ADPGK: variants seen among roughly 807,000 people sequenced by gnomAD.
The protein encoded by ADPGK is ADP-dependent glucokinase.
Under a neutral mutation model 42.4 loss-of-function variants are expected in ADPGK, and 26 were observed. The observed-to-expected ratio is 0.61, with a 90% CI of 0.45 to 0.85. ADPGK has a LOEUF of 0.85. Among genes scored for constraint, ADPGK ranks in the 40% least tolerant of loss-of-function variants. The probability of loss-of-function intolerance (pLI) is 0.00; values close to 1 mark genes in which losing one functional copy is unlikely to be tolerated. For synonymous variants in ADPGK, 267 were observed against 252.6 expected, an observed-to-expected ratio of 1.06 and a Z score of -0.54; for missense variants, 571 against 627.0, an observed-to-expected ratio of 0.91 and a Z score of 0.95.
intron 1 of ADPGK, among the ~76,000 whole-genome samples, chr15:72,778,240 C>A (rs1047350928): frequency 6.6e-6 from 1 of 152,072 alleles, no homozygotes; most frequent in African/African-American, 2.4e-5. Context: ...GAGAGCAAGA[C>A]CCTGTCTCAA....
At chr15:72,763,087 C>T (rs1346411958) in intron 3 of ADPGK, among the ~76,000 whole-genome samples, 1 of 152,162 alleles carries the variant, frequency 6.6e-6, no homozygotes, top group Non-Finnish European at 1.5e-5. Flanking sequence ...CCAGCAGACT[C>T]GCACCACAAG....
intron 2 of ADPGK, 100 bp from the exon 3 acceptor site, chr15:72,771,945 C>A: frequency 1.0e-6 from 1 of 963,490 alleles, no homozygotes; most frequent in Non-Finnish European, 1.4e-6. Flanking sequence ...AGTCCATTTC[C>A]CAAAAACATT....
intron 2 of ADPGK, among the ~76,000 whole-genome samples, chr15:72,774,032 A>C (rs2066359592): frequency 6.6e-6 from 1 of 152,120 alleles, no homozygotes; most frequent in Non-Finnish European, 1.5e-5. Flanking sequence ...TTGTAGAGAC[A>C]GGGTTTCACC....
chr15:72,764,930 G>T (rs546796897), intron 3 of ADPGK, among the ~76,000 whole-genome samples: 26 of 150,378 alleles, frequency 1.7e-4, no homozygotes, highest in Admixed American at 4.6e-4. Context: ...AACAAAGCCT[G>T]AATGACAGCA....
chr15:72,782,151 G>C (rs1162872715), intron 1 of ADPGK, among the ~76,000 whole-genome samples: 1 of 152,154 alleles, frequency 6.6e-6, no homozygotes, highest in Non-Finnish European at 1.5e-5. Flanking sequence ...CAGGGGCCTT[G>C]CTTCACCCAT....
At chr15:72,755,233 T>C (rs1353974910) in intron 6 of ADPGK, among the ~76,000 whole-genome samples, 1 of 152,246 alleles carries the variant, frequency 6.6e-6, no homozygotes, top group Non-Finnish European at 1.5e-5. Context: ...TTCTTTGCTT[T>C]GAGCTTCTTG....
At chr15:72,755,278 G>GT (rs2066096751) in intron 6 of ADPGK, among the ~76,000 whole-genome samples, 2 of 152,198 alleles carry the variant, frequency 1.3e-5, no homozygotes, top group South Asian at 2.1e-4. Flanking sequence ...TGGGCTTTCA[G>GT]TTTTTTCCAT....
chr15:72,778,077 C>T (rs571186121), intron 1 of ADPGK, among the ~76,000 whole-genome samples: 9 of 152,002 alleles, frequency 5.9e-5, no homozygotes, highest in Non-Finnish European at 1.0e-4. Context: ...AGCAAGACCC[C>T]GTCTCTACAA....
intron 4 of ADPGK, among the ~76,000 whole-genome samples, chr15:72,759,378 T>C (rs540359296): frequency 1.3e-5 from 2 of 152,366 alleles, no homozygotes; most frequent in East Asian, 3.9e-4. Flanking sequence ...CAAAAACTTG[T>C]GTAGCATTAA....
intron 1 of ADPGK, among the ~76,000 whole-genome samples, chr15:72,782,527 C>CAAAAAAAA (rs5813692): frequency 2.8e-4 from 17 of 61,270 alleles, no homozygotes; most frequent in African/African-American, 1.0e-3. Context: ...ACCCTGTGTC[C>CAAAAAAAA]AAAAAAAAAA....
chr15:72,777,592 C>T (rs1199245653), intron 1 of ADPGK, among the ~76,000 whole-genome samples: 4 of 151,810 alleles, frequency 2.6e-5, no homozygotes, highest in African/African-American at 7.3e-5. Context: ...GCAGGAGAAT[C>T]GCTTGAACCC....
In ADPGK at chr15:72,756,342, A is replaced by G. The variant is rs754079334; in HGVS notation, c.749T>C (p.Leu250Pro). 1 of 1,614,220 alleles carries G rather than the reference A, an allele frequency of 6.2e-7. No individual in the cohort carries two copies. Among genetic ancestry groups the G allele is most frequent in the South Asian group, 1.1e-5 (1 of 91,088 alleles). Residue 250 changes from leucine to proline, a missense_variant, in exon 5 of 7, where the codon CTG (leucine) becomes CCG (proline). Physicochemically the swap from Leu to Pro is moderately conservative, Grantham distance 98. Coordinates refer to ENST00000456471, the MANE Select transcript of ADPGK (RefSeq NM_001365225.1). ...CACCAGGTCTGGCTGAAACTCCTCC[A>G]GGCTAGACACAAACACCTCCAGCAT... The part of the protein sequence containing the change: ...MNMLEVFVSS[L>P]EEFQPDLVVL...
rs550908924 is a variant in ADPGK, at chr15:72,758,870, T to C, written c.643+1537A>G. On this transcript the variant is annotated intron_variant, in intron 4 of 6. Transcript: ENST00000456471. ...ACGAATCTGGAACTCATGGCAGCAA[T>C]ACCTCAGGGGCTCATCTTTAGCAAT... 9.2e-5 allele frequency among the ~76,000 whole-genome samples: 14 copies of C among 152,312 alleles called. 1 individual carries two copies. The East Asian group carries it at 2.7e-3, about 29-fold the overall frequency.
At chr15:72,757,664 C>T (rs2066134680) in intron 4 of ADPGK, 2 of 169,006 alleles carry the variant, frequency 1.2e-5, no homozygotes, top group Admixed American at 1.2e-4. Flanking sequence ...AGAGAACAGA[C>T]TGATGACCTA....
intron 3 of ADPGK, among the ~76,000 whole-genome samples, chr15:72,768,975 C>CAG (rs1555404209): frequency 7.3e-6 from 1 of 137,924 alleles, no homozygotes; most frequent in Non-Finnish European, 1.5e-5. Context: ...TCCTGTCTCT[C>CAG]AAAAAAAAAA....
Position 72,758,049 on chromosome 15 carries a change from G to C in ADPGK, c.644-1602C>G, listed in dbSNP as rs562245802. ...CACCAGCTGAGATCTGTGAAATTCT[G>C]TAACAGTGCCATTACCTCCAAGAGT... On this transcript the variant is annotated intron_variant, in intron 4 of 6. Coordinates refer to ENST00000456471, the MANE Select transcript of ADPGK (RefSeq NM_001365225.1). The C allele has an allele frequency of 5.0e-6, 8 of 1,601,744 alleles. No homozygotes were observed. The African/African-American group carries it at 9.4e-5, about 19-fold the overall frequency.
chr15:72,778,150 G>A (rs1429351444), intron 1 of ADPGK, among the ~76,000 whole-genome samples: 1 of 152,110 alleles, frequency 6.6e-6, no homozygotes, highest in Non-Finnish European at 1.5e-5. Flanking sequence ...TCAGGAAGCT[G>A]AGGCAGGAGG....
intron 1 of ADPGK, among the ~76,000 whole-genome samples, chr15:72,780,192 C>T (rs548590757): frequency 1.3e-5 from 2 of 152,154 alleles, no homozygotes; most frequent in East Asian, 3.8e-4. Flanking sequence ...GTTTAATTGA[C>T]TTACAGTTCA....
At chr15:72,771,869 A>C (rs767300922) in intron 2 of ADPGK, 24 bp from the exon 3 acceptor site, 1 of 1,576,548 alleles carries the variant, frequency 6.3e-7, no homozygotes, top group East Asian at 2.2e-5. Context: ...CAAGGCTTTT[A>C]GACAGTATTT....
Sources: allele counts gnomAD v4.1 joint callset (sites outside exome capture counted in the v4.1 genomes callset), GRCh38; gene constraint gnomAD v4.1.1; transcripts MANE v1.5; gene names NCBI Gene and HGNC (gene_info 2026-07-23, HGNC 2026-07-21).